Variants in CORO2B observed in about 807,000 individuals in gnomAD.
The protein encoded by CORO2B is coronin-2B.
CORO2B carries 26 observed loss-of-function variants against 58.8 expected under a neutral mutation model. That is an observed-to-expected ratio of 0.44 (90% CI 0.32 to 0.61). The LOEUF is 0.61. CORO2B is among the 20% of genes least tolerant of loss of function. The pLI, the probability that CORO2B is intolerant of heterozygous loss-of-function variation, is 0.04. For missense variants in CORO2B, 460 were observed against 645.1 expected, an observed-to-expected ratio of 0.71 and a Z score of 3.11; for synonymous variants, 242 against 253.8, an observed-to-expected ratio of 0.95 and a Z score of 0.44.
chr15:68,617,708 A>T (rs1421550603), intron 1 of CORO2B, among the ~76,000 whole-genome samples: 1 of 152,144 alleles, frequency 6.6e-6, no homozygotes, highest in Non-Finnish European at 1.5e-5. Flanking sequence ...AGAAGATGAA[A>T]GTGGAGTCTT....
chr15:68,577,231 G>A (rs1176934640), upstream of CORO2B, among the ~76,000 whole-genome samples: 2 of 152,132 alleles, frequency 1.3e-5, no homozygotes, highest in East Asian at 3.9e-4. Context: ...CAGCAAGTAG[G>A]AATGGACCCT....
At chr15:68,711,463 A>G in intron 4 of CORO2B, 79 bp from the exon 5 acceptor site, 1 of 1,320,434 alleles carries the variant, frequency 7.6e-7, no homozygotes, top group Non-Finnish European at 1.0e-6. Flanking sequence ...CTCCCAGGGC[A>G]GTCAAGTGTG....
At chr15:68,650,756 A>G (rs1445373566) in intron 2 of CORO2B, among the ~76,000 whole-genome samples, 1 of 152,176 alleles carries the variant, frequency 6.6e-6, no homozygotes, top group Non-Finnish European at 1.5e-5. Flanking sequence ...ATTTCTTACA[A>G]TCAGTACTTA....
At chr15:68,588,788 G>A (rs1232296256) in intron 1 of CORO2B, among the ~76,000 whole-genome samples, 2 of 152,154 alleles carry the variant, frequency 1.3e-5, no homozygotes, top group Non-Finnish European at 2.9e-5. Flanking sequence ...AACGGCTGAT[G>A]GAAAGAAAGG....
rs538047049 is a variant in CORO2B at position 68,687,100 on chromosome 15, T to A, written c.217-8040T>A. Among the ~76,000 whole-genome samples the A allele has an allele frequency of 7.2e-5, 11 of 152,228 alleles. No homozygotes were observed. In the South Asian group the frequency reaches 1.9e-3, roughly 26 times the overall value. On this transcript the variant is annotated intron_variant, in intron 2 of 11. Coordinates refer to ENST00000261861, the MANE Select transcript of CORO2B (RefSeq NM_006091.5). The stretch of plus-strand genomic sequence containing the variant: ...CTGGTACACTGGAAGCATGGCACTC[T>A]GTGGTTGCAGGTGTGTCTTGCTTCA...
intron 1 of CORO2B, among the ~76,000 whole-genome samples, chr15:68,598,895 T>C (rs1038704836): frequency 1.3e-5 from 2 of 152,206 alleles, no homozygotes; most frequent in Admixed American, 1.3e-4. Context: ...GCAGCCATGC[T>C]GTGAGTCTGT....
chr15:68,554,964 G>C, the CORO2B span, among the ~76,000 whole-genome samples: 9 of 152,168 alleles, frequency 5.9e-5, no homozygotes, highest in Admixed American at 1.3e-4. Context: ...CTGTGTGAGC[G>C]CAGAAAGGAA....
At chr15:68,707,104 G>A (rs970758529) in intron 3 of CORO2B, among the ~76,000 whole-genome samples, 53 of 152,180 alleles carry the variant, frequency 3.5e-4, no homozygotes, top group African/African-American at 1.2e-3. Context: ...GGGATTACAA[G>A]CGCGCGCCAC....
At chr15:68,695,071 C>T in intron 2 of CORO2B, 69 bp from the exon 3 acceptor site, 1 of 1,185,234 alleles carries the variant, frequency 8.4e-7, no homozygotes, top group Non-Finnish European at 1.3e-6. Context: ...AAAAAAGGTG[C>T]TCCATTCAAG....
chr15:68,688,103 G>A (rs914622161), intron 2 of CORO2B, among the ~76,000 whole-genome samples: 2 of 152,184 alleles, frequency 1.3e-5, no homozygotes, highest in African/African-American at 4.8e-5. Context: ...AAATCTGGTA[G>A]GCACCAGTCT....
At chr15:68,712,851 A>C in intron 5 of CORO2B, among the ~76,000 whole-genome samples, 1 of 152,166 alleles carries the variant, frequency 6.6e-6, no homozygotes, top group South Asian at 2.1e-4. Context: ...ATTCAAACCC[A>C]GAGCCCATGC....
chr15:68,526,399 T>C, the CORO2B span, among the ~76,000 whole-genome samples: 1 of 152,226 alleles, frequency 6.6e-6, no homozygotes, highest in Non-Finnish European at 1.5e-5. Context: ...CTCCACATCC[T>C]TCCAATTCTT....
the CORO2B span, among the ~76,000 whole-genome samples, chr15:68,571,207 C>T: frequency 6.6e-6 from 1 of 152,168 alleles, no homozygotes; most frequent in Admixed American, 6.5e-5. Flanking sequence ...TCCCATCCTG[C>T]CCCAGCCACC....
intron 2 of CORO2B, among the ~76,000 whole-genome samples, chr15:68,673,067 T>C (rs1473495998): frequency 4.0e-5 from 6 of 151,348 alleles, no homozygotes. Flanking sequence ...CTTACAGGGG[T>C]GGTGAATGGG....
chr15:68,577,895 T>C (rs1043155542), upstream of CORO2B, among the ~76,000 whole-genome samples: 2 of 152,168 alleles, frequency 1.3e-5, no homozygotes, highest in East Asian at 3.9e-4. Context: ...ATATATGACG[T>C]TGCCTTCGCT....
At chr15:68,629,972 C>T (rs924118871) in intron 1 of CORO2B, among the ~76,000 whole-genome samples, 1 of 152,190 alleles carries the variant, frequency 6.6e-6, no homozygotes, top group African/African-American at 2.4e-5. Flanking sequence ...GCCAGAGGCA[C>T]CCTGCCCTGG....
the CORO2B span, chr15:68,559,619 A>G: frequency 1.0e-6 from 1 of 985,322 alleles, no homozygotes; most frequent in Non-Finnish European, 1.2e-6. The surrounding 1 kb of genome is among the most constrained non-coding windows in gnomAD (Gnocchi z 4.3). Flanking sequence ...TGATGGTAAG[A>G]GGCCCCCAGA....
chr15:68,687,706 T>C (rs1903032219), intron 2 of CORO2B, among the ~76,000 whole-genome samples: 1 of 152,254 alleles, frequency 6.6e-6, no homozygotes, highest in African/African-American at 2.4e-5. Context: ...GGTTTACGGT[T>C]CTGGAAGCTG....
intron 1 of CORO2B, among the ~76,000 whole-genome samples, chr15:68,623,662 G>A (rs996250731): frequency 3.2e-4 from 49 of 152,266 alleles, no homozygotes; most frequent in African/African-American, 1.1e-3. Context: ...CCTGTTGGGC[G>A]TCTCCATCCC....
Sources: allele counts gnomAD v4.1 joint callset (sites outside exome capture counted in the v4.1 genomes callset), GRCh38; gene constraint gnomAD v4.1.1; non-coding constraint Gnocchi (gnomAD v3.1); transcripts MANE v1.5; gene names NCBI Gene and HGNC (gene_info 2026-07-23, HGNC 2026-07-21).